Variants in TTC6 observed in about 807,000 individuals in gnomAD.
TTC6 encodes tetratricopeptide repeat domain 6.
Under a neutral mutation model 210.4 loss-of-function variants are expected in TTC6, and 172 were observed. The observed-to-expected ratio is 0.82, with a 90% CI of 0.72 to 0.93. The LOEUF (loss-of-function observed/expected upper bound fraction) is 0.93, where lower values mean the gene tolerates loss of function less well. Ranked by LOEUF, TTC6 falls within the 40% of genes least tolerant of loss-of-function variation. The pLI is 0.00. For missense variants in TTC6, 2,414 were observed against 2,318.1 expected (o/e 1.04, Z -0.85); for synonymous variants, 804 against 819.6 (o/e 0.98, Z 0.32).
exon 13 of TTC6, chr14:37,751,084 G>T: frequency 6.6e-7 from 1 of 1,519,324 alleles, no homozygotes; most frequent in South Asian, 1.2e-5. Flanking sequence ...AAATTTACAG[G>T]GGAAAAAAAG....
At chr14:37,725,588 G>A (rs1438470702) in intron 7 of TTC6, among the ~76,000 whole-genome samples, 1 of 151,474 alleles carries the variant, frequency 6.6e-6, no homozygotes, top group East Asian at 1.9e-4. Context: ...GACCTCAGGT[G>A]ATCCACCCAG....
intron 1 of TTC6, among the ~76,000 whole-genome samples, chr14:37,650,417 C>T (rs1211133584): frequency 1.3e-5 from 2 of 152,200 alleles, no homozygotes; most frequent in African/African-American, 2.4e-5. Context: ...GCTGTAAGTA[C>T]CCCTTCTCTC....
Position 37,796,951 on chromosome 14 carries a change from A to G in TTC6, c.4029+4A>G. 6.3e-7 allele frequency: 1 copy of G among 1,589,262 alleles called. No homozygotes were observed. The highest frequency in any genetic ancestry group is 8.6e-7 in the Non-Finnish European group (1 of 1,169,036). Reference sequence around the variant, plus strand: ...AATGAAGGCCAAGAGAACCAAGGTGAAAAGTCCTCTGAGTAATGTTTACTA... The same window carrying G: ...AATGAAGGCCAAGAGAACCAAGGTGGAAAGTCCTCTGAGTAATGTTTACTA... On this transcript the variant is annotated splice_donor_region_variant and intron_variant, in intron 20 of 30. Coordinates refer to ENST00000553443, the Ensembl canonical transcript of TTC6.
intron 1 of TTC6, among the ~76,000 whole-genome samples, chr14:37,676,794 G>A (rs1267941054): frequency 1.3e-5 from 2 of 151,994 alleles, no homozygotes; most frequent in Non-Finnish European, 2.9e-5. Context: ...ATATTCAGTT[G>A]CCCCAGCACC....
intron 14 of TTC6, among the ~76,000 whole-genome samples, chr14:37,782,164 A>G (rs994808611): frequency 2.0e-5 from 3 of 152,272 alleles, no homozygotes; most frequent in East Asian, 3.9e-4. Context: ...TTCTTTGAAG[A>G]AAGTCATTGG....
At chr14:37,773,669 A>G (rs913017166) in intron 14 of TTC6, among the ~76,000 whole-genome samples, 3 of 152,078 alleles carry the variant, frequency 2.0e-5, no homozygotes, top group African/African-American at 7.2e-5. Flanking sequence ...GCCTTGTAGT[A>G]TAGTTTCAAA....
At chr14:37,670,793 G>A (rs1162565909) in intron 1 of TTC6, among the ~76,000 whole-genome samples, 2 of 151,846 alleles carry the variant, frequency 1.3e-5, no homozygotes, top group African/African-American at 2.4e-5. Flanking sequence ...TTTTTAATGG[G>A]TTTGTAAAGC....
chr14:37,804,891 G>A, intron 21 of TTC6, 77 bp downstream of exon 23: 1 of 1,550,566 alleles, frequency 6.4e-7, no homozygotes, highest in South Asian at 1.2e-5. Context: ...TGTTTCTGAA[G>A]GCCACCTATA....
chr14:37,698,047 T>A (rs1322831466), intron 4 of TTC6, among the ~76,000 whole-genome samples: 1 of 152,132 alleles, frequency 6.6e-6, no homozygotes, highest in Non-Finnish European at 1.5e-5. Flanking sequence ...ATATATATAT[T>A]ACTGCTTTAA....
intron 13 of TTC6, among the ~76,000 whole-genome samples, chr14:37,752,127 GA>G (rs1467303871): frequency 6.6e-6 from 1 of 151,870 alleles, no homozygotes; most frequent in Non-Finnish European, 1.5e-5. Flanking sequence ...GCCCGGCCAG[GA>G]AATGAACTTT....
chr14:37,656,730 A>G (rs1423739619), intron 1 of TTC6, among the ~76,000 whole-genome samples: 1 of 152,084 alleles, frequency 6.6e-6, no homozygotes, highest in African/African-American at 2.4e-5. Flanking sequence ...AGAAGGTGAG[A>G]GAAAGGAGAG....
chr14:37,628,189 G>A (rs935218068), intron 1 of TTC6, among the ~76,000 whole-genome samples: 4 of 152,100 alleles, frequency 2.6e-5, no homozygotes, highest in African/African-American at 9.7e-5. Flanking sequence ...TGCTAGTCTC[G>A]AACTCCTGAC....
At position 37,725,011 on chromosome 14, in the gene TTC6, C is replaced by G; in HGVS notation, c.1818+9C>G. 1 of 1,405,782 alleles carries G rather than the reference C, an allele frequency of 7.1e-7. No homozygotes were observed. The highest frequency in any genetic ancestry group is 9.6e-7 in the Non-Finnish European group (1 of 1,042,376). 87.1% of individuals were successfully genotyped at this position (1,405,782 alleles called of 1,614,324 possible). On this transcript the variant is annotated intron_variant, in intron 7 of 30. Coordinates refer to ENST00000553443, the Ensembl canonical transcript of TTC6. ...TATATCCAAAATATGAGGTAACATA[C>G]CGAATGGGTTTTCTCTATTATTGTT... is the stretch of plus-strand genomic sequence containing the variant.
exon 28 of TTC6, chr14:37,826,295 T>C (rs1177969312): frequency 5.6e-6 from 9 of 1,611,926 alleles, no homozygotes; most frequent in Non-Finnish European, 7.6e-6. Context: ...GTGGTCTGTC[T>C]TCAGATGGGT....
intron 5 of TTC6, among the ~76,000 whole-genome samples, chr14:37,713,025 G>A (rs537740741): frequency 2.0e-5 from 3 of 152,290 alleles, no homozygotes; most frequent in Non-Finnish European, 2.9e-5. Flanking sequence ...GACACAGGAA[G>A]GCGGCAAATC....
intron 2 of TTC6, among the ~76,000 whole-genome samples, chr14:37,613,181 T>C (rs530069170): frequency 6.6e-6 from 1 of 152,252 alleles, no homozygotes; most frequent in African/African-American, 2.4e-5. Flanking sequence ...TTTATTTTTA[T>C]CCTGAATGGT....
At chr14:37,818,162 A>G (rs2096146701) in intron 26 of TTC6, among the ~76,000 whole-genome samples, 1 of 152,158 alleles carries the variant, frequency 6.6e-6, no homozygotes, top group East Asian at 1.9e-4. Context: ...TCTATAAAAA[A>G]CACAATACGT....
At chr14:37,783,034 A>G (rs1183671932) in intron 14 of TTC6, among the ~76,000 whole-genome samples, 1 of 152,116 alleles carries the variant, frequency 6.6e-6, no homozygotes, top group Non-Finnish European at 1.5e-5. Flanking sequence ...GTTTGCCAGT[A>G]TTTTATTGAG....
chr14:37,711,235 C>A (rs1358545813), intron 5 of TTC6, among the ~76,000 whole-genome samples: 2 of 152,148 alleles, frequency 1.3e-5, no homozygotes, highest in East Asian at 3.8e-4. Context: ...TTATTTAGTA[C>A]CTACTCCATT....
Sources: allele counts gnomAD v4.1 joint callset (sites outside exome capture counted in the v4.1 genomes callset), GRCh38; gene constraint gnomAD v4.1.1; transcripts MANE v1.5; gene names NCBI Gene and HGNC (gene_info 2026-07-23, HGNC 2026-07-21).